EXD2: variants seen among roughly 807,000 people sequenced by gnomAD.
EXD2 encodes the protein exonuclease 3'-5' domain-containing protein 2.
Under a neutral mutation model 62.5 loss-of-function variants are expected in EXD2, and 40 were observed. The ratio of observed to expected loss-of-function variants is 0.64; its 90% CI spans 0.50 to 0.83. The LOEUF is 0.83. Ranked by LOEUF, EXD2 falls within the 40% of genes least tolerant of loss-of-function variation. EXD2 has a pLI of 0.00. For missense variants in EXD2, 671 were observed against 761.8 expected (o/e 0.88, Z 1.40); for synonymous variants, 239 against 291.9 (o/e 0.82, Z 1.85).
intron 9 of EXD2, among the ~76,000 whole-genome samples, chr14:69,238,508 T>G (rs2043874601): frequency 6.6e-6 from 1 of 152,220 alleles, no homozygotes; most frequent in East Asian, 1.9e-4. Flanking sequence ...CCTAATACAA[T>G]GCAAATGCTA....
chr14:69,220,251 C>CTGTT (rs1566829142), intron 3 of EXD2, among the ~76,000 whole-genome samples: 2 of 60,604 alleles, frequency 3.3e-5, no homozygotes, highest in Non-Finnish European at 6.1e-5. Flanking sequence ...TTTTGTCTCT[C>CTGTT]TGTTTTTTTT....
intron 1 of EXD2, among the ~76,000 whole-genome samples, chr14:69,197,421 CT>C (rs57338516): frequency 1.4e-4 from 20 of 148,026 alleles, no homozygotes; most frequent in Admixed American, 2.7e-4. Context: ...TTGATTCATT[CT>C]TTTTTTTTTA....
At chr14:69,202,359 A>T (rs2042437868) in intron 1 of EXD2, among the ~76,000 whole-genome samples, 1 of 152,166 alleles carries the variant, frequency 6.6e-6, no homozygotes, top group African/African-American at 2.4e-5. Context: ...CCTGGGTGAC[A>T]AAGTGAGGCC....
intron 1 of EXD2, among the ~76,000 whole-genome samples, chr14:69,199,373 A>G (rs555065578): frequency 1.3e-5 from 2 of 152,240 alleles, no homozygotes; most frequent in African/African-American, 2.4e-5. Context: ...ACGTGACTGT[A>G]CACTACTTTA....
chr14:69,229,893 A>C (rs2043507243), intron 4 of EXD2, among the ~76,000 whole-genome samples: 1 of 152,216 alleles, frequency 6.6e-6, no homozygotes, highest in Admixed American at 6.5e-5. Flanking sequence ...TTAGTATAAA[A>C]TGAAATTTTA....
chr14:69,212,699 ATTTTT>A (rs71102635), intron 3 of EXD2, among the ~76,000 whole-genome samples: 9 of 57,322 alleles, frequency 1.6e-4, no homozygotes, highest in African/African-American at 3.9e-4. Context: ...ATGGTTCTTG[ATTTTT>A]TTTTTTTTTT....
rs1327537790 is a variant in EXD2, at chr14:69,191,525, G to T, written c.-198G>T. Reference sequence around the variant, plus strand: ...TGAATCCGGGTGGGTGCGCGCAGGCGGCCGCACAGGTTCCAGGTCTTTAAC... The same window carrying T: ...TGAATCCGGGTGGGTGCGCGCAGGCTGCCGCACAGGTTCCAGGTCTTTAAC... On this transcript the variant is annotated 5_prime_UTR_variant, in exon 1 of 10. Transcript: ENST00000685843. 1.3e-5 allele frequency: 2 copies of T among 152,348 alleles called. No homozygotes were observed. Among genetic ancestry groups the T allele is most frequent in the Admixed American group, 6.5e-5 (1 of 15,282 alleles). 9.4% of individuals were successfully genotyped at this position (152,348 alleles called of 1,614,324 possible). A position where few individuals can be genotyped will look rare whatever the true frequency, so the allele number is the denominator to read the frequency against.
rs1221567539 is a variant in EXD2, at chr14:69,243,008, G to A, written c.*1908G>A. The A allele has an allele frequency of 6.6e-6, 1 of 152,136 alleles. No homozygotes were observed. The highest frequency in any genetic ancestry group is 2.4e-5 in the African/African-American group (1 of 41,440). 9.4% of individuals were successfully genotyped at this position (152,136 alleles called of 1,614,324 possible). A position where few individuals can be genotyped will look rare whatever the true frequency, so the allele number is the denominator to read the frequency against. ...GTGAGAAACACTTAAGGTCATTTAAGGTGCTAGGGAAAGGGTTTTCCCATG... is the reference window on the plus strand; with the variant it reads ...GTGAGAAACACTTAAGGTCATTTAAAGTGCTAGGGAAAGGGTTTTCCCATG... On this transcript the variant is annotated 3_prime_UTR_variant, in exon 10 of 10. Transcript: ENST00000685843.
At chr14:69,223,491 A>G (rs1382100398) in intron 3 of EXD2, among the ~76,000 whole-genome samples, 2 of 152,232 alleles carry the variant, frequency 1.3e-5, no homozygotes, top group Non-Finnish European at 2.9e-5. Flanking sequence ...AATTTCTTTA[A>G]TGGCAAAATA....
intron 5 of EXD2, among the ~76,000 whole-genome samples, chr14:69,234,109 C>CTTAGG (rs1450731133): frequency 6.6e-6 from 1 of 152,120 alleles, no homozygotes; most frequent in Non-Finnish European, 1.5e-5. Flanking sequence ...TCACCAGTTG[C>CTTAGG]TTAGGAGAAT....
intron 5 of EXD2, among the ~76,000 whole-genome samples, chr14:69,234,424 A>G (rs952206632): frequency 1.3e-5 from 2 of 152,170 alleles, no homozygotes; most frequent in Non-Finnish European, 1.5e-5. Context: ...ACTGATTTAT[A>G]TAGGTGAGGA....
At position 69,232,616 on chromosome 14, in the gene EXD2, G is replaced by C. The variant is rs146686500; in HGVS notation, c.717+2018G>C. On this transcript the variant is annotated intron_variant, in intron 5 of 9. Transcript: ENST00000685843. The stretch of plus-strand genomic sequence containing the variant: ...TAGGTGTGAAGCGGTATTTCATTGT[G>C]GTTTTGATTTACATTTCCCTTGTGA... Among the ~76,000 whole-genome samples the C allele has an allele frequency of 4.6e-3, 701 of 152,250 alleles. 1 individual carries two copies. Among genetic ancestry groups the C allele is most frequent in the African/African-American group, 0.014 (575 of 41,552 alleles).
At position 69,201,751 on chromosome 14, in the gene EXD2, C is replaced by T. The variant is rs759922575; in HGVS notation, c.-131-2166C>T. On this transcript the variant is annotated intron_variant, in intron 1 of 9. Coordinates refer to ENST00000685843, the MANE Select transcript of EXD2 (RefSeq NM_001193360.2). ...AGGCTGGAGCACAGTGGTGCAATCT[C>T]GGCTTACTGCAAGCTCCGCCTCCCG... is the stretch of plus-strand genomic sequence containing the variant. Among the ~76,000 whole-genome samples the T allele has an allele frequency of 3.6e-5, 5 of 138,264 alleles. No homozygotes were observed. In the East Asian group the frequency reaches 6.7e-4, roughly 18 times the overall value. 90.7% of individuals were successfully genotyped at this position (138,264 alleles called of 152,430 possible). A position where few individuals can be genotyped will look rare whatever the true frequency, so the allele number is the denominator to read the frequency against.
intron 5 of EXD2, among the ~76,000 whole-genome samples, chr14:69,232,177 C>T (rs2043607824): frequency 6.6e-6 from 1 of 152,104 alleles, no homozygotes; most frequent in African/African-American, 2.4e-5. Flanking sequence ...GTGGTTTAAC[C>T]ATTATATGAT....
chr14:69,221,469 T>A (rs1467331431), intron 3 of EXD2, among the ~76,000 whole-genome samples: 1 of 152,158 alleles, frequency 6.6e-6, no homozygotes, highest in Non-Finnish European at 1.5e-5. Context: ...TAAAATTTTT[T>A]AATTATTGGC....
At chr14:69,213,084 CT>C (rs71102636) in intron 3 of EXD2, among the ~76,000 whole-genome samples, 141 of 126,566 alleles carry the variant, frequency 1.1e-3, no homozygotes, top group Non-Finnish European at 1.1e-3. Context: ...TTCTTCTTTT[CT>C]TTTTTTTTTT....
intron 1 of EXD2, among the ~76,000 whole-genome samples, chr14:69,200,426 G>T (rs970046451): frequency 1.3e-5 from 2 of 152,168 alleles, no homozygotes; most frequent in African/African-American, 4.8e-5. Flanking sequence ...AATGGGCCAG[G>T]CGTGGTGGCT....
At chr14:69,195,200 GA>G (rs779588259) in intron 1 of EXD2, among the ~76,000 whole-genome samples, 2 of 139,620 alleles carry the variant, frequency 1.4e-5, no homozygotes, top group Non-Finnish European at 3.0e-5. Context: ...CTGAGTAACA[GA>G]GCGAGACTCT....
intron 8 of EXD2, 143 bp downstream of exon 8, chr14:69,236,685 G>A: frequency 8.8e-7 from 1 of 1,142,450 alleles, no homozygotes; most frequent in East Asian, 2.4e-5. Context: ...TTCCCCAAGA[G>A]CTTTGGTATT....
Sources: gnomAD v4.1 joint callset for allele counts (sites outside exome capture counted in the v4.1 genomes callset) on GRCh38, gnomAD v4.1.1 for gene constraint, MANE v1.5 for transcripts, NCBI Gene and HGNC (gene_info 2026-07-23, HGNC 2026-07-21) for gene names.